The following MAMLD1 variants were observed in gnomAD, a reference collection of about 807,000 sequenced individuals.
The protein encoded by MAMLD1 is mastermind-like domain-containing protein 1.
Under a neutral mutation model 45.0 loss-of-function variants are expected in MAMLD1, and 14 were observed. The observed-to-expected ratio is 0.31, with a 90% CI of 0.21 to 0.49. MAMLD1 has a LOEUF of 0.49. Among genes scored for constraint, MAMLD1 ranks in the 20% least tolerant of loss-of-function variants. MAMLD1 has a pLI of 0.99. For synonymous variants in MAMLD1, 254 were observed against 247.8 expected, an observed-to-expected ratio of 1.02 and a Z score of -0.24; for missense variants, 543 against 603.6, an observed-to-expected ratio of 0.90 and a Z score of 1.05.
chrX:150,382,966 G>A (rs372475415), intron 1 of MAMLD1, among the ~76,000 whole-genome samples: 1 of 52,166 alleles, frequency 1.9e-5, no homozygotes, highest in Non-Finnish European at 3.2e-5. Context: ...CTGCAGTGGC[G>A]CGATCTCGGC....
At chrX:150,469,625 C>G in intron 3 of MAMLD1, 120 bp from the exon 4 acceptor site, 1 of 547,266 alleles carries the variant, frequency 1.8e-6, no homozygotes, top group Non-Finnish European at 2.9e-6. Flanking sequence ...CTCTCTCTCT[C>G]TTTCTCTCTG....
intron 1 of MAMLD1, among the ~76,000 whole-genome samples, chrX:150,365,406 C>G (rs2031346364): frequency 8.9e-6 from 1 of 112,814 alleles, no homozygotes; most frequent in Admixed American, 9.2e-5. Context: ...CCGGGACGGC[C>G]GAGTGGACTG....
chrX:150,417,522 C>T (rs2034303607), intron 1 of MAMLD1, among the ~76,000 whole-genome samples: 1 of 110,386 alleles, frequency 9.1e-6, no homozygotes, highest in Non-Finnish European at 1.9e-5. Flanking sequence ...TGGGCATATA[C>T]CCAGTAATGG....
intron 1 of MAMLD1, among the ~76,000 whole-genome samples, chrX:150,384,102 A>G (rs963352507): frequency 1.8e-5 from 2 of 112,041 alleles, no homozygotes; most frequent in Non-Finnish European, 3.8e-5. Context: ...GTGTGGACAT[A>G]TGCTTTCATT....
At chrX:150,370,537 A>G (rs1337188509) in intron 1 of MAMLD1, among the ~76,000 whole-genome samples, 1 of 111,727 alleles carries the variant, frequency 9.0e-6, no homozygotes, top group African/African-American at 3.3e-5. Context: ...AGCTTGTGTT[A>G]TAGGATATTT....
intron 1 of MAMLD1, among the ~76,000 whole-genome samples, chrX:150,392,779 TA>T (rs56044976): frequency 2.1e-3 from 220 of 105,998 alleles, no homozygotes; most frequent in African/African-American, 4.6e-3. Context: ...GTTTTTTAAT[TA>T]AAAAAAAAAT....
chrX:150,363,578 G>A (rs1333121833), intron 1 of MAMLD1, 48 bp downstream of exon 1: 12 of 112,536 alleles, frequency 1.1e-4, no homozygotes, highest in Admixed American at 1.8e-4. Context: ...TGGGGGTTCC[G>A]GGGTACACTT....
chrX:150,474,810 T>A (rs1439039744), intron 5 of MAMLD1, among the ~76,000 whole-genome samples: 1 of 112,152 alleles, frequency 8.9e-6, no homozygotes. Flanking sequence ...CACTCTGTTC[T>A]CTACCTGGTA....
At chrX:150,484,656 C>T (rs1408350771) in intron 5 of MAMLD1, among the ~76,000 whole-genome samples, 1 of 112,260 alleles carries the variant, frequency 8.9e-6, no homozygotes, top group Non-Finnish European at 1.9e-5. Context: ...AGATTACAAC[C>T]GAGGACTCAT....
At chrX:150,405,892 C>T (rs1241590885) in intron 1 of MAMLD1, among the ~76,000 whole-genome samples, 3 of 110,758 alleles carry the variant, frequency 2.7e-5, no homozygotes, top group African/African-American at 9.9e-5. Context: ...GAATGCCAGA[C>T]CTGGAGTCAG....
chrX:150,365,879 A>G, intron 1 of MAMLD1, among the ~76,000 whole-genome samples: 1 of 112,685 alleles, frequency 8.9e-6, no homozygotes, highest in Non-Finnish European at 1.9e-5. Context: ...TGCCAGCTTT[A>G]GTTAGATTGA....
chrX:150,419,197 CT>C (rs1438694345), intron 1 of MAMLD1, among the ~76,000 whole-genome samples: 1 of 102,871 alleles, frequency 9.7e-6, no homozygotes, highest in Non-Finnish European at 2.0e-5. Context: ...ATGTAACTGC[CT>C]TCTTTGTCTC....
intron 1 of MAMLD1, among the ~76,000 whole-genome samples, chrX:150,391,977 G>T (rs1476214336): frequency 1.8e-5 from 2 of 111,797 alleles, no homozygotes; most frequent in Non-Finnish European, 1.9e-5. Flanking sequence ...TAGGTGGAGT[G>T]GAAGTTCAGC....
chrX:150,439,472 G>A (rs1557404419), intron 1 of MAMLD1, among the ~76,000 whole-genome samples: 1 of 111,231 alleles, frequency 9.0e-6, no homozygotes, highest in Non-Finnish European at 1.9e-5. Flanking sequence ...CCTATGTTTA[G>A]GTTGTTGATC....
At chrX:150,372,048 C>A (rs782050061) in intron 1 of MAMLD1, among the ~76,000 whole-genome samples, 11 of 111,870 alleles carry the variant, frequency 9.8e-5, no homozygotes, top group Non-Finnish European at 7.5e-5. Context: ...CATGTGTGGG[C>A]AGACAGGCTT....
rs1272115976 is a variant in MAMLD1, at chrX:150,511,996, G to A, written c.*45-8G>A. The A allele has an allele frequency of 4.7e-6, 5 of 1,072,557 alleles. No individual in the cohort carries two copies. The highest frequency in any genetic ancestry group is 5.3e-5 in the South Asian group (2 of 37,857). 88.4% of individuals were successfully genotyped at this position (1,072,557 alleles called of 1,213,427 possible). A position where few individuals can be genotyped will look rare whatever the true frequency, so the allele number is the denominator to read the frequency against. ...AACTCATCCCCACTTCTCTCTTTCTGTATGTAGCCGTCCAAGAACAAGTCA... is the reference window on the plus strand; with the variant it reads ...AACTCATCCCCACTTCTCTCTTTCTATATGTAGCCGTCCAAGAACAAGTCA... On this transcript the variant is annotated splice_polypyrimidine_tract_variant and splice_region_variant and intron_variant, in intron 7 of 7. Transcript: ENST00000370401.
chrX:150,511,990 C>A lies in MAMLD1; in HGVS notation c.*45-14C>A. ...CTTTGGAACTCATCCCCACTTCTCT[C>A]TTTCTGTATGTAGCCGTCCAAGAAC... On this transcript the variant is annotated splice_polypyrimidine_tract_variant and intron_variant, in intron 7 of 7. Transcript: ENST00000370401. The A allele has an allele frequency of 9.4e-7, 1 of 1,060,906 alleles. No individual in the cohort carries two copies. The highest frequency in any genetic ancestry group is 1.2e-6 in the Non-Finnish European group (1 of 823,938). 87.4% of individuals were successfully genotyped at this position (1,060,906 alleles called of 1,213,427 possible).
At chrX:150,507,890 C>T (rs2037780895) in intron 6 of MAMLD1, among the ~76,000 whole-genome samples, 1 of 112,444 alleles carries the variant, frequency 8.9e-6, no homozygotes, top group African/African-American at 3.2e-5. Flanking sequence ...CCCCTGAACC[C>T]CTACCTCTGT....
intron 1 of MAMLD1, among the ~76,000 whole-genome samples, chrX:150,386,745 A>G (rs2032950858): frequency 9.0e-6 from 1 of 110,838 alleles, no homozygotes; most frequent in African/African-American, 3.3e-5. Context: ...AAGTTAGACT[A>G]TCCCTTCCTG....
Sources: gnomAD v4.1 joint callset for allele counts (sites outside exome capture counted in the v4.1 genomes callset) on GRCh38, gnomAD v4.1.1 for gene constraint, MANE v1.5 for transcripts, NCBI Gene and HGNC (gene_info 2026-07-23, HGNC 2026-07-21) for gene names.